The following CDH8 variants were observed in gnomAD, a reference collection of about 807,000 sequenced individuals.
CDH8 encodes cadherin-8.
In CDH8, 17 loss-of-function variants were observed where a neutral mutation model predicts 68.1. The observed-to-expected ratio is 0.25, with a 90% CI of 0.17 to 0.37. The LOEUF (loss-of-function observed/expected upper bound fraction) is 0.37. CDH8 is among the 10% of genes least tolerant of loss of function. The probability of loss-of-function intolerance (pLI) is 1.00; values close to 1 mark genes in which losing one functional copy is unlikely to be tolerated. For synonymous variants in CDH8, 372 were observed against 365.1 expected, an observed-to-expected ratio of 1.02 and a Z score of -0.21; for missense variants, 763 against 999.3, an observed-to-expected ratio of 0.76 and a Z score of 3.19.
At chr16:61,881,429 G>T (rs570294377) in intron 3 of CDH8, among the ~76,000 whole-genome samples, 36 of 152,104 alleles carry the variant, frequency 2.4e-4, no homozygotes, top group African/African-American at 7.5e-4. Flanking sequence ...TGGAAATAAA[G>T]GATAAAGATA....
At chr16:61,703,431 T>G (rs888584255) in intron 10 of CDH8, among the ~76,000 whole-genome samples, 2 of 152,230 alleles carry the variant, frequency 1.3e-5, no homozygotes, top group African/African-American at 4.8e-5. Flanking sequence ...TGTACAACTT[T>G]AGCTTACCAA....
chr16:61,789,117 A>G (rs757340443), intron 8 of CDH8, among the ~76,000 whole-genome samples: 23 of 152,078 alleles, frequency 1.5e-4, no homozygotes, highest in Non-Finnish European at 2.8e-4. Context: ...ATGGCTGAAT[A>G]ATGGATATAA....
intron 2 of CDH8, among the ~76,000 whole-genome samples, chr16:61,985,673 G>A (rs961648999): frequency 1.3e-5 from 2 of 152,020 alleles, no homozygotes; most frequent in Non-Finnish European, 2.9e-5. Context: ...TGTATTTTTA[G>A]TAGAGACGGG....
chr16:61,782,510 G>A (rs1961099878), intron 8 of CDH8, among the ~76,000 whole-genome samples: 1 of 152,268 alleles, frequency 6.6e-6, no homozygotes, highest in South Asian at 2.1e-4. Flanking sequence ...CGAGGCTGGG[G>A]GAGGGGCGCC....
At chr16:61,993,190 G>A (rs574485845) in intron 2 of CDH8, among the ~76,000 whole-genome samples, 2 of 152,210 alleles carry the variant, frequency 1.3e-5, no homozygotes, top group South Asian at 4.1e-4. Flanking sequence ...AACTCACTCA[G>A]GTTAATTCCC....
At chr16:61,738,925 C>T (rs929909927) in intron 8 of CDH8, among the ~76,000 whole-genome samples, 2 of 152,250 alleles carry the variant, frequency 1.3e-5, no homozygotes, top group South Asian at 2.1e-4. Context: ...AAAATATTGA[C>T]TCCTTCCTTT....
At chr16:61,936,166 T>A (rs954723020) in intron 2 of CDH8, among the ~76,000 whole-genome samples, 6 of 152,156 alleles carry the variant, frequency 3.9e-5, no homozygotes, top group Admixed American at 1.3e-4. Context: ...TCATTGTATA[T>A]ACTCAAGGGA....
intron 4 of CDH8, among the ~76,000 whole-genome samples, chr16:61,839,308 A>C (rs191827227): frequency 2.0e-5 from 3 of 152,174 alleles, no homozygotes; most frequent in African/African-American, 7.2e-5. Flanking sequence ...TGAACCTATC[A>C]ATCAGCCACT....
At chr16:61,812,077 A>AAC (rs912174391) in intron 7 of CDH8, among the ~76,000 whole-genome samples, 5 of 152,026 alleles carry the variant, frequency 3.3e-5, no homozygotes, top group African/African-American at 4.8e-5. Context: ...ACACACCACA[A>AAC]ACACACACAC....
rs537339787 is a variant in CDH8 at position 61,684,969 on chromosome 16, CT to C, written c.1654+28871del. On this transcript the variant is annotated intron_variant, in intron 10 of 11. Coordinates refer to ENST00000577390, the MANE Select transcript of CDH8 (RefSeq NM_001796.5). Reference sequence around the variant, plus strand: ...CTCTGCATAGGAGTGGAGTAGCTTCCTATTACTGTCAATATTTAAGTTACCC... The same window carrying C: ...CTCTGCATAGGAGTGGAGTAGCTTCCATTACTGTCAATATTTAAGTTACCC... Among the ~76,000 whole-genome samples, 23 of 151,962 alleles carry C rather than the reference CT, an allele frequency of 1.5e-4. No homozygotes were observed. The South Asian group carries it at 3.1e-3, about 21-fold the overall frequency.
chr16:61,988,827 T>C (rs545268998), intron 2 of CDH8, among the ~76,000 whole-genome samples: 1 of 152,296 alleles, frequency 6.6e-6, no homozygotes. Flanking sequence ...CTTTAAAATT[T>C]TGAAATGTTA....
In CDH8 at chr16:61,778,424, T is replaced by C. The variant is rs372124179; in HGVS notation, c.1414+10922A>G. On this transcript the variant is annotated intron_variant, in intron 8 of 11. Transcript: ENST00000577390. Reference sequence around the variant, plus strand: ...GAAGAAGGTCAATGAACAAACATATTGGCTATGCAATGCAGAAACATAACT... The same window carrying C: ...GAAGAAGGTCAATGAACAAACATATCGGCTATGCAATGCAGAAACATAACT... Among the ~76,000 whole-genome samples the C allele has an allele frequency of 4.8e-4, 73 of 152,144 alleles. 1 individual carries two copies. In the South Asian group the frequency reaches 0.011, roughly 22 times the overall value.
In CDH8 at chr16:61,842,333, A is replaced by G. The variant is rs1475082478; in HGVS notation, c.667+14786T>C. 2.0e-5 allele frequency among the ~76,000 whole-genome samples: 3 copies of G among 152,088 alleles called. No homozygotes were observed. In the East Asian group the frequency reaches 5.8e-4, roughly 29 times the overall value. ...AGGCCATGAGGTCTCTGCTCCCAGG[A>G]AAGAATAAATGCCATTATCACAGGA... is the stretch of plus-strand genomic sequence containing the variant. On this transcript the variant is annotated intron_variant, in intron 4 of 11. Transcript: ENST00000577390.
intron 3 of CDH8, among the ~76,000 whole-genome samples, chr16:61,888,770 T>C (rs193144204): frequency 2.0e-5 from 3 of 152,276 alleles, no homozygotes; most frequent in Admixed American, 6.5e-5. Context: ...GAAGGAATAA[T>C]GTACAGACAT....
Position 62,021,017 on chromosome 16 carries a change from C to T in CDH8, c.252+135G>A, listed in dbSNP as rs559507284. On this transcript the variant is annotated intron_variant, in intron 2 of 11. Coordinates refer to ENST00000577390, the MANE Select transcript of CDH8 (RefSeq NM_001796.5). ...GGGATTAATCGTATTCCTAACAGAA[C>T]GACAGGTAAACTCACTAAACATCTG... 254 of 761,678 alleles carry T rather than the reference C, an allele frequency of 3.3e-4. 7 individuals carry two copies. In the South Asian group the frequency reaches 4.3e-3, roughly 13 times the overall value. The allele number at this position is 761,678 out of a possible 1,614,324, so 47.2% of individuals were successfully genotyped here.
intron 3 of CDH8, among the ~76,000 whole-genome samples, chr16:61,894,084 T>C (rs571898717): frequency 1.1e-4 from 17 of 152,268 alleles, no homozygotes; most frequent in African/African-American, 3.1e-4. Context: ...AAAACTATGA[T>C]GGAGATGCAG....
chr16:61,855,394 C>T (rs368258082), intron 4 of CDH8, among the ~76,000 whole-genome samples: 2 of 152,202 alleles, frequency 1.3e-5, no homozygotes, highest in African/African-American at 2.4e-5. Context: ...TCCTAAGAAA[C>T]AAATTATCTA....
intron 7 of CDH8, among the ~76,000 whole-genome samples, chr16:61,800,476 TG>T (rs1476763743): frequency 6.6e-6 from 1 of 152,210 alleles, no homozygotes; most frequent in African/African-American, 2.4e-5. Flanking sequence ...CTCAGACCCT[TG>T]GCTTTGGAAG....
At chr16:61,739,226 C>T (rs1959791427) in intron 8 of CDH8, among the ~76,000 whole-genome samples, 2 of 151,998 alleles carry the variant, frequency 1.3e-5, no homozygotes, top group Non-Finnish European at 2.9e-5. Context: ...TCTATTTAAT[C>T]TCTTATATTT....
Sources: allele counts gnomAD v4.1 joint callset (sites outside exome capture counted in the v4.1 genomes callset), GRCh38; gene constraint gnomAD v4.1.1; transcripts MANE v1.5; gene names NCBI Gene and HGNC (gene_info 2026-07-23, HGNC 2026-07-21).